TMEM117: variants seen among roughly 807,000 people sequenced by gnomAD.
The protein encoded by TMEM117 is transmembrane protein 117.
TMEM117 carries 27 observed loss-of-function variants against 52.4 expected under a neutral mutation model. The observed-to-expected ratio is 0.51, with a 90% confidence interval of 0.38 to 0.71. The LOEUF is 0.71. TMEM117 is among the 30% of genes least tolerant of loss of function. TMEM117 has a pLI of 0.00. For missense variants in TMEM117, 556 were observed against 630.5 expected, an observed-to-expected ratio of 0.88 and a Z score of 1.26; for synonymous variants, 215 against 206.3, an observed-to-expected ratio of 1.04 and a Z score of -0.36.
intron 6 of TMEM117, among the ~76,000 whole-genome samples, chr12:44,339,898 C>T (rs917227383): frequency 1.3e-5 from 2 of 151,638 alleles, no homozygotes; most frequent in African/African-American, 2.4e-5. Context: ...AAGTGTTTTC[C>T]GAACCTGACA....
chr12:44,094,261 C>T (rs1947720652), intron 3 of TMEM117, among the ~76,000 whole-genome samples: 1 of 152,098 alleles, frequency 6.6e-6, no homozygotes, highest in Non-Finnish European at 1.5e-5. Flanking sequence ...TGGGCTTCTG[C>T]CCAGTTCTGA....
intron 3 of TMEM117, among the ~76,000 whole-genome samples, chr12:44,099,242 C>G (rs1410499505): frequency 6.6e-6 from 1 of 151,412 alleles, no homozygotes; most frequent in East Asian, 1.9e-4. Context: ...TTCTTGGTAT[C>G]AGCATTTTTG....
At chr12:43,834,316 G>A (rs1943000170), upstream of TMEM117, among the ~76,000 whole-genome samples, 1 of 152,056 alleles carries the variant, frequency 6.6e-6, no homozygotes, top group Non-Finnish European at 1.5e-5. Context: ...AAAGCACAGT[G>A]GAATATAATG....
chr12:43,873,587 C>T (rs746169776), intron 2 of TMEM117, among the ~76,000 whole-genome samples: 13 of 151,784 alleles, frequency 8.6e-5, no homozygotes, highest in Non-Finnish European at 1.8e-4. Context: ...GGAAAACATT[C>T]GTTAATTTTA....
intron 3 of TMEM117, among the ~76,000 whole-genome samples, chr12:44,097,504 G>A (rs1463348981): frequency 6.6e-6 from 1 of 151,930 alleles, no homozygotes; most frequent in Non-Finnish European, 1.5e-5. Flanking sequence ...AGAAAATGTG[G>A]CACATATACA....
intron 3 of TMEM117, among the ~76,000 whole-genome samples, chr12:43,951,364 A>G (rs1179530102): frequency 1.3e-5 from 2 of 152,194 alleles, no homozygotes; most frequent in African/African-American, 2.4e-5. Flanking sequence ...TCCCACTCCT[A>G]TAGAGCCCAG....
chr12:44,097,390 A>G lies in TMEM117; in HGVS notation c.411-46135A>G, dbSNP rs1262632525. 4.7e-5 allele frequency among the ~76,000 whole-genome samples: 7 copies of G among 148,880 alleles called. No individual in the cohort carries two copies. The East Asian group carries it at 1.3e-3, about 29-fold the overall frequency. ...GTATATACCCAAAGGACTATAAATC[A>G]TGCTGCAATAAAGAGACATGCACAC... On this transcript the variant is annotated intron_variant, in intron 3 of 7. Transcript: ENST00000266534.
chr12:44,086,290 T>C (rs902008507), intron 3 of TMEM117, among the ~76,000 whole-genome samples: 7 of 149,066 alleles, frequency 4.7e-5, no homozygotes, highest in Non-Finnish European at 8.9e-5. Flanking sequence ...CTCAGCTCAC[T>C]GCAACCTGCG....
At chr12:44,095,358 A>G (rs1947740115) in intron 3 of TMEM117, among the ~76,000 whole-genome samples, 1 of 152,140 alleles carries the variant, frequency 6.6e-6, no homozygotes, top group African/African-American at 2.4e-5. Flanking sequence ...AAAATAAGTA[A>G]ATTCATTCAA....
At chr12:43,833,984 T>C (rs1437745996), upstream of TMEM117, among the ~76,000 whole-genome samples, 1 of 151,962 alleles carries the variant, frequency 6.6e-6, no homozygotes, top group Non-Finnish European at 1.5e-5. Flanking sequence ...TCCCATCTAC[T>C]CTGGAGGCTG....
intron 3 of TMEM117, among the ~76,000 whole-genome samples, chr12:44,030,357 A>G (rs879685065): frequency 1.3e-5 from 2 of 152,182 alleles, no homozygotes; most frequent in African/African-American, 2.4e-5. Context: ...GGAGTTAGCC[A>G]CGCTGTCTAG....
intron 5 of TMEM117, among the ~76,000 whole-genome samples, chr12:44,219,656 G>T (rs1392728561): frequency 1.3e-5 from 2 of 152,070 alleles, no homozygotes; most frequent in Non-Finnish European, 2.9e-5. Flanking sequence ...AAATACTATA[G>T]TTGATGTCCT....
chr12:43,804,334 C>A, the TMEM117 span: 1 of 598,198 alleles, frequency 1.7e-6, no homozygotes, highest in Middle Eastern at 2.6e-4. Flanking sequence ...AATTAGGGGC[C>A]CATAGGGACC....
chr12:44,025,866 A>G (rs1008920558), intron 3 of TMEM117, among the ~76,000 whole-genome samples: 1 of 152,160 alleles, frequency 6.6e-6, no homozygotes, highest in South Asian at 2.1e-4. Flanking sequence ...CGAAGAATTT[A>G]TGAATTTCTG....
intron 3 of TMEM117, among the ~76,000 whole-genome samples, chr12:43,967,252 G>A (rs1427020529): frequency 6.6e-6 from 1 of 152,006 alleles, no homozygotes; most frequent in African/African-American, 2.4e-5. Context: ...AGCCTCCTGG[G>A]TAACTGGGAT....
intron 3 of TMEM117, among the ~76,000 whole-genome samples, chr12:44,106,754 C>T (rs1433631535): frequency 6.6e-6 from 1 of 150,852 alleles, no homozygotes; most frequent in African/African-American, 2.4e-5. Flanking sequence ...TAATTGATAC[C>T]ACAGAGTTAC....
intron 2 of TMEM117, among the ~76,000 whole-genome samples, chr12:43,878,229 T>G (rs1319006361): frequency 6.6e-6 from 1 of 152,172 alleles, no homozygotes; most frequent in Non-Finnish European, 1.5e-5. Context: ...CGGAGGAATT[T>G]CAGGGCTTTA....
At chr12:43,976,098 A>G (rs1243332357) in intron 3 of TMEM117, among the ~76,000 whole-genome samples, 9 of 152,214 alleles carry the variant, frequency 5.9e-5, no homozygotes, top group Admixed American at 5.9e-4. Flanking sequence ...CTACACTTGT[A>G]TTAAGTATCT....
chr12:44,067,889 T>C (rs779443952), intron 3 of TMEM117, among the ~76,000 whole-genome samples: 1 of 152,224 alleles, frequency 6.6e-6, no homozygotes, highest in Non-Finnish European at 1.5e-5. Context: ...GGCATCTTCT[T>C]CCAATAGAAG....
Sources: gnomAD v4.1 joint callset for allele counts (sites outside exome capture counted in the v4.1 genomes callset) on GRCh38, gnomAD v4.1.1 for gene constraint, MANE v1.5 for transcripts, NCBI Gene and HGNC (gene_info 2026-07-23, HGNC 2026-07-21) for gene names.